HSD17B6: variants seen among roughly 807,000 people sequenced by gnomAD.
The protein encoded by HSD17B6 is 17-beta-hydroxysteroid dehydrogenase type 6.
A neutral mutation model predicts 26.4 loss-of-function variants in HSD17B6; 16 were observed. That is an observed-to-expected ratio of 0.61 (90% CI 0.41 to 0.92). The LOEUF (loss-of-function observed/expected upper bound fraction) is 0.92, where lower values mean the gene tolerates loss of function less well. HSD17B6 is among the 40% of genes least tolerant of loss of function. The pLI is 0.00. For missense variants in HSD17B6, 357 were observed against 386.1 expected (o/e 0.92, Z 0.63); for synonymous variants, 139 against 153.0 (o/e 0.91, Z 0.68).
intron 2 of HSD17B6, 41 bp from the exon 3 acceptor site, chr12:56,781,933 G>T: frequency 6.3e-7 from 1 of 1,589,118 alleles, no homozygotes; most frequent in East Asian, 2.2e-5. Flanking sequence ...GAGTATTTTT[G>T]CCTGAAACCA....
At chr12:56,771,358 T>G (rs956453510) in intron 1 of HSD17B6, among the ~76,000 whole-genome samples, 1 of 152,062 alleles carries the variant, frequency 6.6e-6, no homozygotes, top group African/African-American at 2.4e-5. Context: ...GGACCTGTCT[T>G]GTAGGGTTCT....
Position 56,782,013 on chromosome 12 carries a change from C to A in HSD17B6, c.353C>A (p.Pro118Gln). 6.2e-7 allele frequency: 1 copy of A among 1,614,048 alleles called. No individual in the cohort carries two copies. Among genetic ancestry groups the A allele is most frequent in the Non-Finnish European group, 8.5e-7 (1 of 1,179,988 alleles). Residue 118 changes from proline to glutamine, a missense_variant, in exon 3 of 5, where the codon CCA becomes CAA. Physicochemically the swap from Pro to Gln is moderately conservative, Grantham distance 76. Coordinates refer to ENST00000322165, the MANE Select transcript of HSD17B6 (RefSeq NM_003725.4). ...GTGAACAATGCAGGCATTCTTACAC[C>A]AATTACCTTATGTGAGTGGCTGAAC... The part of the protein sequence containing the change: ...GLVNNAGILT[P>Q]ITLCEWLNTE...
intron 3 of HSD17B6, among the ~76,000 whole-genome samples, chr12:56,782,736 C>A (rs1954752813): frequency 6.7e-6 from 1 of 149,628 alleles, no homozygotes; most frequent in East Asian, 2.0e-4. Flanking sequence ...TCATAGGACA[C>A]TAGTGGGGGG....
intron 1 of HSD17B6, among the ~76,000 whole-genome samples, chr12:56,766,375 T>C (rs923447722): frequency 5.9e-5 from 9 of 152,234 alleles, no homozygotes; most frequent in Admixed American, 5.9e-4. Context: ...TAGTGCTCTG[T>C]ACTTGCCATG....
intron 3 of HSD17B6, among the ~76,000 whole-genome samples, chr12:56,783,778 C>G (rs1287433612): frequency 3.3e-5 from 5 of 149,868 alleles, no homozygotes; most frequent in Non-Finnish European, 7.5e-5. Flanking sequence ...GGCAGAGGCA[C>G]CCCTCACCTC....
chr12:56,787,030 TG>T, intron 4 of HSD17B6, 94 bp from the exon 5 acceptor site: 1 of 902,542 alleles, frequency 1.1e-6, no homozygotes, highest in African/African-American at 1.6e-5. Flanking sequence ...CATTCTATTT[TG>T]TAGAAATTAG....
intron 4 of HSD17B6, among the ~76,000 whole-genome samples, chr12:56,785,594 A>G (rs904870946): frequency 5.3e-5 from 8 of 152,260 alleles, no homozygotes; most frequent in African/African-American, 1.7e-4. Flanking sequence ...GCCTGGGGCC[A>G]GGCTCTTCCC....
At chr12:56,782,267 A>T in intron 3 of HSD17B6, 35 bp downstream of exon 3, 6 of 1,602,818 alleles carry the variant, frequency 3.7e-6, no homozygotes, top group Non-Finnish European at 5.1e-6. Context: ...GCTATTGAGC[A>T]CTGAAATATG....
At position 56,780,062 on chromosome 12, in the gene HSD17B6, T is replaced by C. The variant is rs1954680569; in HGVS notation, c.314-1912T>C. Among the ~76,000 whole-genome samples the C allele has an allele frequency of 3.3e-5, 5 of 152,386 alleles. No homozygotes were observed. In the South Asian group the frequency reaches 1.0e-3, roughly 32 times the overall value. ...CTGTCTCCTGTTGTTCATGTCTTGA[T>C]AAGTCAGTTGTTAGCCTAATTGTTT... On this transcript the variant is annotated intron_variant, in intron 2 of 4. Transcript: ENST00000322165.
chr12:56,782,186 T>A lies in HSD17B6; in HGVS notation c.526T>A (p.Tyr176Asn). Residue 176 changes from tyrosine to asparagine, a missense_variant, in exon 3 of 5, where the codon TAC becomes AAC. By Grantham distance (143) the Tyr-to-Asn change is moderately radical. Coordinates refer to ENST00000322165, the MANE Select transcript of HSD17B6 (RefSeq NM_003725.4). ...AAGAGTTGCTTTCTTTGTAGGAGGC[T>A]ACTGTGTCTCCAAGTATGGAGTGGA... is the stretch of plus-strand genomic sequence containing the variant. ...LGRVAFFVGG[Y>N]CVSKYGVEAF... is the part of the protein sequence containing the mutation. 1 of 1,614,164 alleles carries A rather than the reference T, an allele frequency of 6.2e-7. No homozygotes were observed. Among genetic ancestry groups the A allele is most frequent in the Non-Finnish European group, 8.5e-7 (1 of 1,179,982 alleles).
rs1954846610 is a variant in HSD17B6 at position 56,785,029 on chromosome 12, C to T, written c.736+13C>T. On this transcript the variant is annotated intron_variant, in intron 4 of 4. Coordinates refer to ENST00000322165, the MANE Select transcript of HSD17B6 (RefSeq NM_003725.4). Reference sequence around the variant, plus strand: ...TATTTTGATGCCCGTAAGCTTTTTTCTTTTGATAGGGATAATGGGTACCCT... The same window carrying T: ...TATTTTGATGCCCGTAAGCTTTTTTTTTTTGATAGGGATAATGGGTACCCT... The T allele has an allele frequency of 2.5e-6, 4 of 1,605,470 alleles. No individual in the cohort carries two copies. The East Asian group carries it at 8.9e-5, about 36-fold the overall frequency.
chr12:56,776,427 C>T (rs1954596149), intron 2 of HSD17B6, among the ~76,000 whole-genome samples: 1 of 151,442 alleles, frequency 6.6e-6, no homozygotes, highest in South Asian at 2.1e-4. Flanking sequence ...ACCTCAGCCT[C>T]CCAAGTAGCT....
rs780649797 is a variant in HSD17B6 at position 56,784,905 on chromosome 12, T to C, written c.625T>C (p.Phe209Leu). 2.5e-6 allele frequency: 4 copies of C among 1,613,996 alleles called. No individual in the cohort carries two copies. In the East Asian group the frequency reaches 8.9e-5, roughly 36 times the overall value. Residue 209 changes from phenylalanine (F) to leucine (L), a missense_variant, in exon 4 of 5, where the codon TTC becomes CTC. Transcript: ENST00000322165. ...AATCAGCATAGTTGAACCTGGCTAC[T>C]TCAGAACGGGAATGACAAACATGAC... ...VKISIVEPGY[F>L]RTGMTNMTQS...
chr12:56,781,265 C>T (rs911228030), intron 2 of HSD17B6, among the ~76,000 whole-genome samples: 6 of 151,862 alleles, frequency 4.0e-5, no homozygotes, highest in African/African-American at 1.2e-4. Flanking sequence ...GTCTTGCTTC[C>T]CTTTTCTTTC....
At position 56,784,972 on chromosome 12, in the gene HSD17B6, C is replaced by A. The variant is rs758900448; in HGVS notation, c.692C>A (p.Pro231His). 1.9e-6 allele frequency: 3 copies of A among 1,613,892 alleles called. No homozygotes were observed. Among genetic ancestry groups the A allele is most frequent in the Non-Finnish European group, 2.5e-6 (3 of 1,180,000 alleles). ...ATGAAGCAAAGTTGGAAAGAAGCCC[C>A]CAAGCATATTAAGGAGACCTATGGA... is the stretch of plus-strand genomic sequence containing the variant. Reference protein sequence around the residue: ...ERMKQSWKEAPKHIKETYGQQ... With the variant: ...ERMKQSWKEAHKHIKETYGQQ... Residue 231 changes from proline to histidine, a missense_variant, in exon 4 of 5, where the codon CCC becomes CAC. Pro to His is a moderately conservative substitution (Grantham distance 77, BLOSUM62 -2). Transcript: ENST00000322165.
chr12:56,775,069 G>A (rs1954562062), intron 2 of HSD17B6, among the ~76,000 whole-genome samples: 1 of 152,198 alleles, frequency 6.6e-6, no homozygotes, highest in South Asian at 2.1e-4. Context: ...TGGATATGAA[G>A]GGCTGACTGT....
At chr12:56,781,119 CA>C (rs1403299168) in intron 2 of HSD17B6, among the ~76,000 whole-genome samples, 2 of 152,142 alleles carry the variant, frequency 1.3e-5, no homozygotes, top group East Asian at 1.9e-4. Flanking sequence ...ACATTTCAAA[CA>C]GGGGGGCTTC....
At position 56,787,272 on chromosome 12, in the gene HSD17B6, CT is replaced by C. The variant is rs1565925712; in HGVS notation, c.886del (p.Tyr296IlefsTer11). On this transcript the variant is annotated frameshift_variant, in exon 5 of 5. Transcript: ENST00000322165. LOFTEE classifies it low-confidence loss of function (END_TRUNC). ...GCTAAATTTTTCTTCATCCCTCTAT[CT>C]TATTTACCTACATCACTGGCAGACT... is the stretch of plus-strand genomic sequence containing the variant. ...WDAKFFFIPL[S>X]YLPTSLADYI... 6.2e-7 allele frequency: 1 copy of C among 1,614,150 alleles called. No individual in the cohort carries two copies. Among genetic ancestry groups the C allele is most frequent in the African/African-American group, 1.3e-5 (1 of 75,040 alleles).
rs1427645683 is a variant in HSD17B6 at position 56,785,049 on chromosome 12, T to C, written c.736+33T>C. 11 of 1,578,824 alleles carry C rather than the reference T, an allele frequency of 7.0e-6. No individual in the cohort carries two copies. The East Asian group carries it at 1.8e-4, about 26-fold the overall frequency. On this transcript the variant is annotated intron_variant, in intron 4 of 4. Coordinates refer to ENST00000322165, the MANE Select transcript of HSD17B6 (RefSeq NM_003725.4). The stretch of plus-strand genomic sequence containing the variant: ...TTTTTCTTTTGATAGGGATAATGGG[T>C]ACCCTGTATTAGTCCATTCTCATGC...
Sources: allele counts gnomAD v4.1 joint callset (sites outside exome capture counted in the v4.1 genomes callset), GRCh38; gene constraint gnomAD v4.1.1; transcripts MANE v1.5; gene names NCBI Gene and HGNC (gene_info 2026-07-23, HGNC 2026-07-21).